The following AHRR variants were observed in gnomAD, a reference collection of about 807,000 sequenced individuals.
AHRR encodes the protein aryl hydrocarbon receptor repressor.
Under a neutral mutation model 44.0 loss-of-function variants are expected in AHRR, and 28 were observed. That is an observed-to-expected ratio of 0.64 (90% CI 0.47 to 0.87). The LOEUF (loss-of-function observed/expected upper bound fraction) is 0.87. AHRR is among the 40% of genes least tolerant of loss of function. The pLI, the probability that AHRR is intolerant of heterozygous loss-of-function variation, is 0.00. For missense variants in AHRR, 990 were observed against 953.9 expected (o/e 1.04, Z -0.50); for synonymous variants, 434 against 407.0 (o/e 1.07, Z -0.80).
intron 3 of AHRR, among the ~76,000 whole-genome samples, chr5:366,917 T>C (rs756960040): frequency 2.0e-5 from 3 of 152,112 alleles, no homozygotes; most frequent in Non-Finnish European, 2.9e-5. Flanking sequence ...CTGGAAGGGA[T>C]GGAGAGGTGG....
chr5:400,440 C>T (rs1299152474), intron 4 of AHRR, among the ~76,000 whole-genome samples: 5 of 152,074 alleles, frequency 3.3e-5, no homozygotes, highest in Non-Finnish European at 5.9e-5. Context: ...CGTTTCCTGA[C>T]GTTCAGTAAC....
At chr5:353,463 C>T (rs973801339) in intron 2 of AHRR, among the ~76,000 whole-genome samples, 3 of 152,160 alleles carry the variant, frequency 2.0e-5, no homozygotes, top group Admixed American at 6.5e-5. Flanking sequence ...CGTGCCCTGT[C>T]TCCGTGCTCT....
chr5:411,920 G>A lies in AHRR; in HGVS notation c.352-1424G>A, dbSNP rs1260314855. On this transcript the variant is annotated intron_variant, in intron 4 of 10. Transcript: ENST00000684583. The surrounding 1 kb of genome is among the most constrained non-coding windows in gnomAD (Gnocchi z 4.2). ...GAGACTGGGCGAGATATTCCACCTG[G>A]TAGCCTGTGCTTGCTCAGCGTCAGT... Among the ~76,000 whole-genome samples the A allele has an allele frequency of 6.6e-6, 1 of 152,212 alleles. No individual in the cohort carries two copies. The highest frequency in any genetic ancestry group is 2.4e-5 in the African/African-American group (1 of 41,432).
chr5:354,039 C>A (rs967082423), intron 3 of AHRR, 128 bp downstream of exon 3: 2 of 1,000,338 alleles, frequency 2.0e-6, no homozygotes, highest in Non-Finnish European at 1.4e-6. Context: ...CTTCTTCCCC[C>A]ACGCTGCCCC....
chr5:343,730 G>T, intron 1 of AHRR, 163 bp from the exon 2 acceptor site: 1 of 642,372 alleles, frequency 1.6e-6, no homozygotes, highest in Non-Finnish European at 2.5e-6. Context: ...TGGAGAGCAG[G>T]GGTCCCGGGC....
chr5:372,082 C>G (rs1743597837), intron 3 of AHRR, among the ~76,000 whole-genome samples: 1 of 152,244 alleles, frequency 6.6e-6, no homozygotes, highest in South Asian at 2.1e-4. Flanking sequence ...AAGGAAGCAG[C>G]AGGGTTTCTG....
Position 388,276 on chromosome 5 carries a change from G to C in AHRR, c.351+11560G>C, listed in dbSNP as rs142009066. On this transcript the variant is annotated intron_variant, in intron 4 of 10. Coordinates refer to ENST00000684583, the MANE Select transcript of AHRR (RefSeq NM_001377236.1). This position sits in a 1 kb window ranked among gnomAD's most constrained non-coding sequence, Gnocchi z 5.2. ...AGAAACTCAGGCCTCCCCCCGTCCC[G>C]AACCCAAGCCCTGAACTGCTGTCGT... Among the ~76,000 whole-genome samples the C allele has an allele frequency of 3.3e-5, 5 of 152,164 alleles. No individual in the cohort carries two copies. The highest frequency in any genetic ancestry group is 1.2e-4 in the African/African-American group (5 of 41,436).
chr5:346,752 G>C (rs1168829561), intron 2 of AHRR, among the ~76,000 whole-genome samples: 1 of 152,192 alleles, frequency 6.6e-6, no homozygotes, highest in Non-Finnish European at 1.5e-5. Context: ...ACCCACTGCA[G>C]ATGCAGCATC....
chr5:425,562 C>T (rs756796283), intron 7 of AHRR, among the ~76,000 whole-genome samples: 6 of 152,172 alleles, frequency 3.9e-5, no homozygotes, highest in Non-Finnish European at 5.9e-5. Flanking sequence ...AAGATACTTA[C>T]TTTTATTGGC....
intron 3 of AHRR, among the ~76,000 whole-genome samples, chr5:368,661 C>A (rs992819030): frequency 2.0e-5 from 3 of 152,208 alleles, no homozygotes; most frequent in Non-Finnish European, 4.4e-5. Context: ...GGTTCCAAGG[C>A]CAGGGTGTGT....
intron 5 of AHRR, among the ~76,000 whole-genome samples, chr5:421,758 A>G (rs554003823): frequency 8.1e-4 from 123 of 152,228 alleles, no homozygotes; most frequent in Middle Eastern, 6.8e-3. Flanking sequence ...TGCTCTCCTG[A>G]GGCTGTGTCT....
At chr5:394,850 G>A (rs957502264) in intron 4 of AHRR, among the ~76,000 whole-genome samples, 4 of 152,190 alleles carry the variant, frequency 2.6e-5, no homozygotes, top group African/African-American at 4.8e-5. Context: ...AGGGAGCACC[G>A]TGGGAGGGAG....
At position 370,193 on chromosome 5, in the gene AHRR, TGGTGCCCCGTCCTCCCGGGCCCTC is replaced by T. The variant is rs1743524366; in HGVS notation, c.245-6415_245-6392del. On this transcript the variant is annotated intron_variant, in intron 3 of 10. Coordinates refer to ENST00000684583, the MANE Select transcript of AHRR (RefSeq NM_001377236.1). The surrounding 1 kb of genome is among the most constrained non-coding windows in gnomAD (Gnocchi z 4.5). The stretch of plus-strand genomic sequence containing the variant: ...AAGCCCCGTCCTCCCGGGCCCTCGC[TGGTGCCCCGTCCTCCCGGGCCCTC>T]GCTGGAAGCCCCGTCCTCCCGGGCC... Among the ~76,000 whole-genome samples the T allele has an allele frequency of 3.1e-5, 2 of 65,346 alleles. No individual in the cohort carries two copies. The highest frequency in any genetic ancestry group is 1.4e-4 in the Admixed American group (1 of 7,140). The allele number at this position is 65,346 out of a possible 152,430, so 42.9% of individuals were successfully genotyped here.
chr5:416,773 C>G (rs1294562855), intron 5 of AHRR, among the ~76,000 whole-genome samples: 4 of 152,210 alleles, frequency 2.6e-5, no homozygotes, highest in Non-Finnish European at 4.4e-5. Context: ...CGGGGGAGCA[C>G]TCACAGTACA....
intron 3 of AHRR, among the ~76,000 whole-genome samples, chr5:354,222 G>A (rs1448816134): frequency 1.3e-5 from 2 of 152,250 alleles, no homozygotes; most frequent in African/African-American, 4.8e-5. Flanking sequence ...CTGCGCAGCT[G>A]CTGAGGGAGG....
intron 2 of AHRR, among the ~76,000 whole-genome samples, chr5:349,012 A>G (rs1276020474): frequency 3.9e-5 from 6 of 152,034 alleles, no homozygotes; most frequent in Non-Finnish European, 7.4e-5. Flanking sequence ...GACCATCCTC[A>G]TGGGTTGGTG....
chr5:397,890 GTAGCTCCTGACCATCCATGT>G (rs1734812660), intron 4 of AHRR, among the ~76,000 whole-genome samples: 12 of 87,910 alleles, frequency 1.4e-4, no homozygotes, highest in Admixed American at 3.9e-4. Context: ...GACCATCCAC[GTAGCTCCTGACCATCCATGT>G]TAGCCCCTGA....
intron 1 of AHRR, among the ~76,000 whole-genome samples, chr5:327,739 G>A (rs1338075831): frequency 6.6e-6 from 1 of 152,156 alleles, no homozygotes; most frequent in Non-Finnish European, 1.5e-5. Flanking sequence ...TATAGACCTA[G>A]TAGTGGGACT....
chr5:329,121 T>C (rs753302746), intron 1 of AHRR, among the ~76,000 whole-genome samples: 5 of 152,214 alleles, frequency 3.3e-5, no homozygotes, highest in Non-Finnish European at 7.3e-5. Context: ...TTTCCTGCGC[T>C]GACACACACA....
Sources: gnomAD v4.1 joint callset for allele counts (sites outside exome capture counted in the v4.1 genomes callset) on GRCh38, gnomAD v4.1.1 for gene constraint, Gnocchi (gnomAD v3.1) non-coding constraint, MANE v1.5 for transcripts, NCBI Gene and HGNC (gene_info 2026-07-23, HGNC 2026-07-21) for gene names.